Variants in RANBP17 observed in about 807,000 individuals in gnomAD.
RANBP17 encodes RAN binding protein 17.
RANBP17 carries 158 observed loss-of-function variants against 141.2 expected under a neutral mutation model. That is an observed-to-expected ratio of 1.12 (90% CI 0.98 to 1.28). The LOEUF is 1.28. Ranked by LOEUF, RANBP17 falls within the 50% of genes most tolerant of loss-of-function variation. RANBP17 has a pLI of 0.00. For missense variants in RANBP17, 1,438 were observed against 1,290.7 expected (o/e 1.11, Z -1.75); for synonymous variants, 430 against 450.0 (o/e 0.96, Z 0.56).
intron 12 of RANBP17, among the ~76,000 whole-genome samples, chr5:170,949,363 A>G (rs952461987): frequency 6.6e-6 from 1 of 152,160 alleles, no homozygotes; most frequent in Non-Finnish European, 1.5e-5. Context: ...AGAATACATA[A>G]ATAATTATTA....
At chr5:170,942,008 G>A (rs1335308285) in intron 12 of RANBP17, among the ~76,000 whole-genome samples, 1 of 152,154 alleles carries the variant, frequency 6.6e-6, no homozygotes, top group Non-Finnish European at 1.5e-5. Flanking sequence ...GGAGGCGAGC[G>A]GCAGGTGAAC....
At chr5:171,150,975 A>AGG (rs1758429297) in intron 14 of RANBP17, among the ~76,000 whole-genome samples, 1 of 152,246 alleles carries the variant, frequency 6.6e-6, no homozygotes, top group Non-Finnish European at 1.5e-5. Context: ...TTACTTTAAA[A>AGG]AGAAAATGAA....
intron 16 of RANBP17, among the ~76,000 whole-genome samples, chr5:171,175,319 AT>A (rs1281767708): frequency 6.6e-6 from 1 of 152,152 alleles, no homozygotes; most frequent in Non-Finnish European, 1.5e-5. Context: ...ATACCCAGTA[AT>A]GGGATTTGCT....
chr5:171,047,683 C>T (rs1782686330), intron 14 of RANBP17, among the ~76,000 whole-genome samples: 1 of 152,134 alleles, frequency 6.6e-6, no homozygotes, highest in Non-Finnish European at 1.5e-5. Context: ...CATGATCCGC[C>T]TGCCTCAGCC....
intron 11 of RANBP17, among the ~76,000 whole-genome samples, chr5:170,923,327 C>A (rs189204731): frequency 1.3e-5 from 2 of 152,148 alleles, no homozygotes; most frequent in African/African-American, 4.8e-5. Context: ...ACATGTAGTT[C>A]TATTTCTGGA....
intron 13 of RANBP17, among the ~76,000 whole-genome samples, chr5:170,957,056 C>T (rs961228250): frequency 5.6e-5 from 7 of 125,004 alleles, no homozygotes; most frequent in African/African-American, 1.8e-4. Flanking sequence ...GGCAACAGAG[C>T]GAGACTCTGT....
At chr5:170,900,333 G>A (rs1196686620) in intron 5 of RANBP17, among the ~76,000 whole-genome samples, 2 of 152,134 alleles carry the variant, frequency 1.3e-5, no homozygotes, top group Non-Finnish European at 2.9e-5. Context: ...ATGGTAGTTT[G>A]TATTTCCGTG....
chr5:171,106,726 A>C (rs245778), intron 14 of RANBP17, among the ~76,000 whole-genome samples: 90,688 of 151,854 alleles, frequency 0.6, 28,950 homozygotes, highest in South Asian at 0.88. Context: ...TAATCACACG[A>C]GGAAGTTTTG....
intron 18 of RANBP17, among the ~76,000 whole-genome samples, chr5:171,193,035 G>T (rs1368621620): frequency 6.6e-6 from 1 of 152,280 alleles, no homozygotes; most frequent in South Asian, 2.1e-4. Flanking sequence ...GATGATCTGG[G>T]CCTAGACCTG....
chr5:171,223,659 C>T (rs1024292932), intron 22 of RANBP17, among the ~76,000 whole-genome samples: 3 of 152,024 alleles, frequency 2.0e-5, no homozygotes, highest in Non-Finnish European at 4.4e-5. Flanking sequence ...AAAATAAAAT[C>T]ATATAAAGTG....
At chr5:170,990,390 A>G (rs1480748414) in intron 14 of RANBP17, among the ~76,000 whole-genome samples, 3 of 151,894 alleles carry the variant, frequency 2.0e-5, no homozygotes, top group African/African-American at 7.2e-5. Context: ...AAACTTTAGT[A>G]GTGTGGAATA....
intron 14 of RANBP17, among the ~76,000 whole-genome samples, chr5:171,062,563 C>G (rs1225590971): frequency 6.6e-6 from 1 of 152,140 alleles, no homozygotes; most frequent in East Asian, 1.9e-4. Context: ...TTGAGGGTAA[C>G]CCAACCTTTC....
At chr5:171,183,875 C>T (rs916543042) in intron 18 of RANBP17, among the ~76,000 whole-genome samples, 4 of 152,016 alleles carry the variant, frequency 2.6e-5, no homozygotes, top group Admixed American at 6.6e-5. Flanking sequence ...GATTGGCACG[C>T]AATAAAAATG....
At chr5:171,186,979 A>G (rs1055754922) in intron 18 of RANBP17, among the ~76,000 whole-genome samples, 11 of 152,138 alleles carry the variant, frequency 7.2e-5, no homozygotes, top group Non-Finnish European at 1.2e-4. Flanking sequence ...CGTTTGACCT[A>G]TTAAAGCTTT....
chr5:170,949,572 A>G (rs1451379568), intron 12 of RANBP17, among the ~76,000 whole-genome samples: 1 of 152,170 alleles, frequency 6.6e-6, no homozygotes, highest in African/African-American at 2.4e-5. Flanking sequence ...AAAGAAAACT[A>G]CAAGTGTTGG....
intron 1 of RANBP17, among the ~76,000 whole-genome samples, chr5:170,870,308 C>T (rs1767610329): frequency 6.6e-6 from 1 of 151,992 alleles, no homozygotes; most frequent in South Asian, 2.1e-4. Context: ...ACCTGTTGAC[C>T]CGTCACCTAG....
intron 21 of RANBP17, among the ~76,000 whole-genome samples, chr5:171,218,894 T>C (rs575431762): frequency 2.6e-5 from 4 of 152,284 alleles, no homozygotes; most frequent in Admixed American, 2.6e-4. Flanking sequence ...ATTCAGCTCA[T>C]TTACATTTAA....
At chr5:171,038,144 T>G (rs1581462846) in intron 14 of RANBP17, among the ~76,000 whole-genome samples, 1 of 149,182 alleles carries the variant, frequency 6.7e-6, no homozygotes, top group East Asian at 2.0e-4. Flanking sequence ...CCTTTTTGTT[T>G]AGATGTATTC....
chr5:171,149,697 T>G (rs183899319), intron 14 of RANBP17, among the ~76,000 whole-genome samples: 5 of 152,350 alleles, frequency 3.3e-5, no homozygotes, highest in East Asian at 1.9e-4. Context: ...TCTATCTATA[T>G]TAATGTGTTT....
Sources: allele counts gnomAD v4.1 joint callset (sites outside exome capture counted in the v4.1 genomes callset), GRCh38; gene constraint gnomAD v4.1.1; transcripts MANE v1.5; gene names NCBI Gene and HGNC (gene_info 2026-07-23, HGNC 2026-07-21).